The following SLC24A2 variants were observed in gnomAD, a reference collection of about 807,000 sequenced individuals.
SLC24A2 encodes the protein solute carrier family 24 member 2.
SLC24A2 carries 36 observed loss-of-function variants against 62.0 expected under a neutral mutation model. The observed-to-expected ratio is 0.58, with a 90% CI of 0.44 to 0.77. SLC24A2 has a LOEUF of 0.77. Ranked by LOEUF, SLC24A2 falls within the 30% of genes least tolerant of loss-of-function variation. The probability of loss-of-function intolerance (pLI) is 0.00; values close to 1 mark genes in which losing one functional copy is unlikely to be tolerated. For synonymous variants in SLC24A2, 358 were observed against 294.0 expected, an observed-to-expected ratio of 1.22 and a Z score of -2.23; for missense variants, 846 against 817.9, an observed-to-expected ratio of 1.03 and a Z score of -0.42.
chr9:19,555,996 T>A (rs1835070777), intron 7 of SLC24A2, among the ~76,000 whole-genome samples: 1 of 152,144 alleles, frequency 6.6e-6, no homozygotes, highest in African/African-American at 2.4e-5. Context: ...TGACAACTGG[T>A]AACAAATTGA....
At chr9:20,082,717 A>G in the SLC24A2 span, among the ~76,000 whole-genome samples, 2 of 152,242 alleles carry the variant, frequency 1.3e-5, no homozygotes, top group South Asian at 2.1e-4. Context: ...TCCCACCTCT[A>G]TTCCCCATGG....
chr9:20,177,262 C>A, the SLC24A2 span, among the ~76,000 whole-genome samples: 2 of 152,016 alleles, frequency 1.3e-5, no homozygotes, highest in Admixed American at 6.6e-5. Context: ...AAGGCCTTAC[C>A]AGGCCAGATT....
At chr9:19,873,635 G>C in the SLC24A2 span, among the ~76,000 whole-genome samples, 2 of 148,072 alleles carry the variant, frequency 1.4e-5, no homozygotes, top group South Asian at 2.1e-4. Flanking sequence ...TTTCTCTAGA[G>C]ACAGGGTCTC....
the SLC24A2 span, among the ~76,000 whole-genome samples, chr9:20,195,314 G>T: frequency 4.6e-5 from 7 of 152,186 alleles, no homozygotes; most frequent in East Asian, 1.2e-3. Context: ...GGCATTTATA[G>T]TCCAATCAGT....
the SLC24A2 span, among the ~76,000 whole-genome samples, chr9:20,305,952 G>A: frequency 6.6e-6 from 1 of 152,110 alleles, no homozygotes; most frequent in Admixed American, 6.5e-5. Flanking sequence ...GCCTTCACGT[G>A]GTCTTTTCTC....
At chr9:20,032,425 T>A in the SLC24A2 span, among the ~76,000 whole-genome samples, 1 of 152,222 alleles carries the variant, frequency 6.6e-6, no homozygotes, top group Admixed American at 6.5e-5. Context: ...TTAGTATTAA[T>A]TAGTTTGTAA....
intron 2 of SLC24A2, among the ~76,000 whole-genome samples, chr9:19,769,193 G>C (rs957106400): frequency 6.6e-6 from 1 of 152,102 alleles, no homozygotes; most frequent in African/African-American, 2.4e-5. Context: ...AGTTACACAG[G>C]ACAAAAAATC....
At chr9:19,609,428 A>G (rs1209919103) in intron 4 of SLC24A2, among the ~76,000 whole-genome samples, 2 of 152,224 alleles carry the variant, frequency 1.3e-5, no homozygotes, top group African/African-American at 4.8e-5. Flanking sequence ...TACTTCAGCC[A>G]GAACATCTAA....
chr9:19,818,551 T>C, the SLC24A2 span, among the ~76,000 whole-genome samples: 1 of 152,120 alleles, frequency 6.6e-6, no homozygotes. Flanking sequence ...CTCTTCTATA[T>C]ACCAACAGCG....
chr9:20,159,226 C>G, the SLC24A2 span, among the ~76,000 whole-genome samples: 1 of 151,650 alleles, frequency 6.6e-6, no homozygotes, highest in Non-Finnish European at 1.5e-5. Flanking sequence ...CCTGAAGAGT[C>G]TACTAGAGCA....
rs1206578758 is a variant in SLC24A2 at position 19,511,703 on chromosome 9, C to G, written c.*4450G>C. ...GCTTAGCAAGAGTGAGCACTGACTT[C>G]TATGCATGCTTTCAGGAGACAGTAG... On this transcript the variant is annotated 3_prime_UTR_variant, in exon 11 of 11. Transcript: ENST00000341998. 6.6e-6 allele frequency: 1 copy of G among 152,214 alleles called. No individual in the cohort carries two copies. The highest frequency in any genetic ancestry group is 1.5e-5 in the Non-Finnish European group (1 of 68,046). The allele number at this position is 152,214 out of a possible 1,614,324, so 9.4% of individuals were successfully genotyped here.
At chr9:19,696,255 A>C (rs557936589) in intron 2 of SLC24A2, among the ~76,000 whole-genome samples, 1 of 152,214 alleles carries the variant, frequency 6.6e-6, no homozygotes, top group South Asian at 2.1e-4. Flanking sequence ...GGTCTGTGGA[A>C]AAACTGTCTT....
At chr9:20,139,737 CT>C in the SLC24A2 span, among the ~76,000 whole-genome samples, 1 of 152,188 alleles carries the variant, frequency 6.6e-6, no homozygotes, top group Non-Finnish European at 1.5e-5. Flanking sequence ...TCCTCTGCCC[CT>C]ATCTGCCTCC....
chr9:20,203,118 A>G, the SLC24A2 span, among the ~76,000 whole-genome samples: 1 of 104,554 alleles, frequency 9.6e-6, no homozygotes, highest in African/African-American at 5.0e-5. Context: ...CCACTGACTA[A>G]AAGGAAAAAA....
chr9:19,859,474 G>C, the SLC24A2 span, among the ~76,000 whole-genome samples: 9,255 of 152,122 alleles, frequency 0.061, 439 homozygotes, highest in East Asian at 0.21. Context: ...CAACAAACGT[G>C]CACGTGTATC....
chr9:19,589,477 T>G (rs975602584), intron 5 of SLC24A2, among the ~76,000 whole-genome samples: 2 of 152,222 alleles, frequency 1.3e-5, no homozygotes, highest in Non-Finnish European at 2.9e-5. Flanking sequence ...TTTTTACTTA[T>G]GTGTGCATGT....
At chr9:19,560,948 CAG>C (rs1586961587) in intron 7 of SLC24A2, among the ~76,000 whole-genome samples, 3 of 133,866 alleles carry the variant, frequency 2.2e-5, no homozygotes, top group Middle Eastern at 4.0e-3. Flanking sequence ...GAGAGAGAGA[CAG>C]AGTCTTACTC....
At chr9:20,147,035 G>A in the SLC24A2 span, among the ~76,000 whole-genome samples, 2 of 152,092 alleles carry the variant, frequency 1.3e-5, no homozygotes, top group Non-Finnish European at 2.9e-5. Context: ...AACCCCCTAT[G>A]AGCTGGCCCT....
At chr9:20,162,864 C>A in the SLC24A2 span, among the ~76,000 whole-genome samples, 35,424 of 151,744 alleles carry the variant, frequency 0.23, 5,072 homozygotes, top group African/African-American at 0.41. Flanking sequence ...ACATAATCAG[C>A]ACCAAAGACA....
Sources: allele counts gnomAD v4.1 joint callset (sites outside exome capture counted in the v4.1 genomes callset), GRCh38; gene constraint gnomAD v4.1.1; transcripts MANE v1.5; gene names NCBI Gene and HGNC (gene_info 2026-07-23, HGNC 2026-07-21).